RPL13: variants seen among roughly 807,000 people sequenced by gnomAD.
The protein encoded by RPL13 is large ribosomal subunit protein eL13.
A neutral mutation model predicts 21.4 loss-of-function variants in RPL13; 1 was observed. That is an observed-to-expected ratio of 0.05 (90% CI 0.02 to 0.22). The LOEUF (loss-of-function observed/expected upper bound fraction) is 0.22. Among genes scored for constraint, RPL13 ranks in the 10% least tolerant of loss-of-function variants. The pLI, the probability that RPL13 is intolerant of heterozygous loss-of-function variation, is 1.00. For missense variants in RPL13, 289 were observed against 303.0 expected (o/e 0.95, Z 0.34); for synonymous variants, 143 against 120.5 (o/e 1.19, Z -1.23).
chr16:89,562,038 G>A, intron 4 of RPL13: 1 of 589,208 alleles, frequency 1.7e-6, no homozygotes, highest in Non-Finnish European at 3.0e-6. Flanking sequence ...GGATAAGGTT[G>A]ATAAAGAGTC....
At position 89,563,612 on chromosome 16, in the gene RPL13, T is replaced by A. The variant is rs2058762079; in HGVS notation, c.*570T>A. The A allele has an allele frequency of 6.6e-6, 1 of 150,446 alleles. No homozygotes were observed. Among genetic ancestry groups the A allele is most frequent in the Non-Finnish European group, 1.5e-5 (1 of 67,800 alleles). The allele number at this position is 150,446 out of a possible 1,614,324, so 9.3% of individuals were successfully genotyped here. A position where few individuals can be genotyped will look rare whatever the true frequency, so the allele number is the denominator to read the frequency against. On this transcript the variant is annotated 3_prime_UTR_variant, in exon 6 of 6. Transcript: ENST00000311528. Reference sequence around the variant, plus strand: ...GAGACAGGGTCTTCGGCACCCAGGCTGGAGTACAGTGCCACAATCATGGCT... The same window carrying A: ...GAGACAGGGTCTTCGGCACCCAGGCAGGAGTACAGTGCCACAATCATGGCT...
chr16:89,562,451 TA>T, intron 5 of RPL13, 60 bp downstream of exon 5: 1 of 1,528,554 alleles, frequency 6.5e-7, no homozygotes, highest in African/African-American at 1.4e-5. Context: ...AACACGTGGG[TA>T]TCTGAGATGC....
At position 89,561,308 on chromosome 16, in the gene RPL13, C is replaced by G; in HGVS notation, c.186C>G (p.Pro62=). The G allele has an allele frequency of 6.3e-7, 1 of 1,584,888 alleles. No homozygotes were observed. The highest frequency in any genetic ancestry group is 1.1e-5 in the South Asian group (1 of 89,038). The part of the protein sequence containing the change: ...SGPIRPIVRC[P]TVRYHTKVRA... ...CCATCCGGCCCATCGTGCGCTGCCC[C>G]ACGGTTCGGTACCACACGAAGGTGC... The change falls in exon 3 of 6, where the codon CCC becomes CCG. Residue 62 remains proline (P), a synonymous_variant. Transcript: ENST00000311528.
rs2058758706 is a variant in RPL13, at chr16:89,563,118, G to C, written c.*76G>C. On this transcript the variant is annotated 3_prime_UTR_variant, in exon 6 of 6. Transcript: ENST00000311528. ...TGGTGTGTTTCGTGGGAACAACTGGGCCTGGGATGGGGCTTCACTGCTGTG... is the reference window on the plus strand; with the variant it reads ...TGGTGTGTTTCGTGGGAACAACTGGCCCTGGGATGGGGCTTCACTGCTGTG... The C allele has an allele frequency of 7.5e-7, 1 of 1,339,048 alleles. No individual in the cohort carries two copies. The allele number at this position is 1,339,048 out of a possible 1,614,324, so 82.9% of individuals were successfully genotyped here.
chr16:89,563,769 G>A lies in RPL13; in HGVS notation c.*727G>A, dbSNP rs2058763022. Reference sequence around the variant, plus strand: ...AGCAAAGCAGTTTCTAGTTAATGTAGCATCTTGGACTTTGGGGCGTCATTC... The same window carrying A: ...AGCAAAGCAGTTTCTAGTTAATGTAACATCTTGGACTTTGGGGCGTCATTC... On this transcript the variant is annotated 3_prime_UTR_variant, in exon 6 of 6. Coordinates refer to ENST00000311528, the MANE Select transcript of RPL13 (RefSeq NM_000977.4). 1 of 152,166 alleles carries A rather than the reference G, an allele frequency of 6.6e-6. No homozygotes were observed. The highest frequency in any genetic ancestry group is 2.1e-4 in the South Asian group (1 of 4,830). 9.4% of individuals were successfully genotyped at this position (152,166 alleles called of 1,614,324 possible). A position where few individuals can be genotyped will look rare whatever the true frequency, so the allele number is the denominator to read the frequency against.
Position 89,564,379 on chromosome 16 carries a change from G to A in RPL13, c.*1337G>A, listed in dbSNP as rs944202283. ...TGTCTGAGGTGTATATGTTAACTTC[G>A]TGATCAGTTTGTATGTTTGGGACTC... On this transcript the variant is annotated 3_prime_UTR_variant, in exon 6 of 6. Transcript: ENST00000311528. The A allele has an allele frequency of 5.9e-5, 9 of 152,198 alleles. No homozygotes were observed. The highest frequency in any genetic ancestry group is 5.9e-4 in the Admixed American group (9 of 15,280). 9.4% of individuals were successfully genotyped at this position (152,198 alleles called of 1,614,324 possible). A position where few individuals can be genotyped will look rare whatever the true frequency, so the allele number is the denominator to read the frequency against.
chr16:89,564,068 C>G lies in RPL13; in HGVS notation c.*1026C>G, dbSNP rs1486717625. The stretch of plus-strand genomic sequence containing the variant: ...GTGCAGTGCTCAGACACAGCCTGCC[C>G]TAGTCCTACCAGCTCACAGCAGCAC... On this transcript the variant is annotated 3_prime_UTR_variant, in exon 6 of 6. Transcript: ENST00000311528. 2 of 152,284 alleles carry G rather than the reference C, an allele frequency of 1.3e-5. No homozygotes were observed. Among genetic ancestry groups the G allele is most frequent in the African/African-American group, 2.4e-5 (1 of 41,462 alleles). 9.4% of individuals were successfully genotyped at this position (152,284 alleles called of 1,614,324 possible). A position where few individuals can be genotyped will look rare whatever the true frequency, so the allele number is the denominator to read the frequency against.
At chr16:89,561,545 G>T (rs775398146) in intron 3 of RPL13, 33 bp from the exon 4 acceptor site, 3 of 1,613,278 alleles carry the variant, frequency 1.9e-6, no homozygotes, top group Non-Finnish European at 2.5e-6. Context: ...GAAAGCCCGG[G>T]CCTGTCTCCA....
rs2058748616 is a variant in RPL13 at position 89,562,006 on chromosome 16, A to G, written c.420+255A>G. 5 of 590,182 alleles carry G rather than the reference A, an allele frequency of 8.5e-6. No individual in the cohort carries two copies. In the Admixed American group the frequency reaches 1.3e-4, roughly 16 times the overall value. 36.6% of individuals were successfully genotyped at this position (590,182 alleles called of 1,614,324 possible). The stretch of plus-strand genomic sequence containing the variant: ...TCCCTAAAATGCTTCGTATTCCAAA[A>G]TATTTCTAGAAAGACCTTGTAGGAT... On this transcript the variant is annotated intron_variant, in intron 4 of 5. Transcript: ENST00000311528.
intron 3 of RPL13, 28 bp from the exon 4 acceptor site, chr16:89,561,550 T>C (rs1264992191): frequency 1.2e-6 from 2 of 1,613,212 alleles, no homozygotes; most frequent in Non-Finnish European, 1.7e-6. Context: ...CCCGGGCCTG[T>C]CTCCATCTCT....
chr16:89,566,457 T>A (rs955161564), downstream of RPL13: 1 of 152,246 alleles, frequency 6.6e-6, no homozygotes, highest in African/African-American at 2.4e-5. Flanking sequence ...GGCTAGACAT[T>A]AGGAATTTCA....
chr16:89,561,334 G>T lies in RPL13; in HGVS notation c.212G>T (p.Arg71Leu). The stretch of plus-strand genomic sequence containing the variant: ...ACGGTTCGGTACCACACGAAGGTGC[G>T]CGCCGGCCGCGGCTTCAGCCTGGAG... ...CPTVRYHTKVRAGRGFSLEEL... is the reference protein window; with the variant it reads ...CPTVRYHTKVLAGRGFSLEEL... Residue 71 changes from arginine to leucine, a missense_variant, in exon 3 of 6, where the codon CGC (arginine) becomes CTC (leucine). Arg to Leu is a moderately radical substitution (Grantham distance 102). Transcript: ENST00000311528. The T allele has an allele frequency of 6.3e-7, 1 of 1,599,046 alleles. No individual in the cohort carries two copies. The highest frequency in any genetic ancestry group is 2.2e-5 in the East Asian group (1 of 44,568).
In RPL13 at chr16:89,562,932, T is replaced by C; in HGVS notation, c.526T>C (p.Phe176Leu). The C allele has an allele frequency of 6.3e-7, 1 of 1,595,458 alleles. No individual in the cohort carries two copies. The highest frequency in any genetic ancestry group is 8.5e-7 in the Non-Finnish European group (1 of 1,172,696). ...ARVITEEEKN[F>L]KAFASLRMAR... ...AGTCATCACTGAGGAAGAGAAGAAT[T>C]TCAAAGCCTTCGCTAGTCTCCGTAT... Residue 176 changes from phenylalanine (F) to leucine (L), a missense_variant, in exon 6 of 6, where the codon TTC becomes CTC. Transcript: ENST00000311528.
In RPL13 at chr16:89,563,070, G is replaced by A. The variant is rs745779446; in HGVS notation, c.*28G>A. ...CCCTCCTGGGGACTTGGAATCAGTC[G>A]GCAGTCATGCTGGGTCTCCACGTGG... On this transcript the variant is annotated 3_prime_UTR_variant, in exon 6 of 6. Transcript: ENST00000311528. 2.0e-5 allele frequency: 29 copies of A among 1,476,824 alleles called. No homozygotes were observed. Among genetic ancestry groups the A allele is most frequent in the South Asian group, 6.9e-5 (5 of 72,784 alleles). The allele number at this position is 1,476,824 out of a possible 1,614,324, so 91.5% of individuals were successfully genotyped here. A position where few individuals can be genotyped will look rare whatever the true frequency, so the allele number is the denominator to read the frequency against.
At chr16:89,561,090 T>G (rs961743809) in intron 2 of RPL13, 27 bp downstream of exon 2, 1 of 1,581,648 alleles carries the variant, frequency 6.3e-7, no homozygotes, top group African/African-American at 1.4e-5. Flanking sequence ...GGGCTGCCCC[T>G]GGGGCTCGTG....
rs771837591 is a variant in RPL13 at position 89,561,603 on chromosome 16, C to G, written c.272C>G (p.Ala91Gly). Residue 91 changes from alanine (A) to glycine (G), a missense_variant, in exon 4 of 6, where the codon GCC (alanine) becomes GGC (glycine). Transcript: ENST00000311528. The part of the protein sequence containing the change: ...LRVAGIHKKV[A>G]RTIGISVDPR... ...GTGGCCGGCATTCACAAGAAGGTGG[C>G]CCGGACCATCGGCATTTCTGTGGAT... is the stretch of plus-strand genomic sequence containing the variant. The G allele has an allele frequency of 6.2e-7, 1 of 1,613,644 alleles. No individual in the cohort carries two copies. The highest frequency in any genetic ancestry group is 2.2e-5 in the East Asian group (1 of 44,886).
At chr16:89,560,849 G>A (rs1240559470) in intron 1 of RPL13, 91 bp from the exon 2 acceptor site, 1 of 838,822 alleles carries the variant, frequency 1.2e-6, no homozygotes, top group African/African-American at 1.8e-5. Flanking sequence ...GGCGCGGCCG[G>A]ACGGCCCAGT....
chr16:89,560,788 G>A (rs2058736849), intron 1 of RPL13, 76 bp downstream of exon 1: 1 of 554,408 alleles, frequency 1.8e-6, no homozygotes. Context: ...CGCGGGAGTG[G>A]ATGGGCCCCT....
Position 89,563,202 on chromosome 16 carries a change from T to C in RPL13, c.*160T>C, listed in dbSNP as rs2058759209. 3.2e-6 allele frequency: 2 copies of C among 629,340 alleles called. No homozygotes were observed. Among genetic ancestry groups the C allele is most frequent in the South Asian group, 4.7e-5 (1 of 21,368 alleles). 39.0% of individuals were successfully genotyped at this position (629,340 alleles called of 1,614,324 possible). A position where few individuals can be genotyped will look rare whatever the true frequency, so the allele number is the denominator to read the frequency against. Reference sequence around the variant, plus strand: ...GAAAGACAGTCCAAGCCCTGGATAATGCTTTACTTTCTGTGTTGAAGCACT... The same window carrying C: ...GAAAGACAGTCCAAGCCCTGGATAACGCTTTACTTTCTGTGTTGAAGCACT... On this transcript the variant is annotated 3_prime_UTR_variant, in exon 6 of 6. Coordinates refer to ENST00000311528, the MANE Select transcript of RPL13 (RefSeq NM_000977.4).
Sources: gnomAD v4.1 joint callset for allele counts on GRCh38, gnomAD v4.1.1 for gene constraint, MANE v1.5 for transcripts, NCBI Gene and HGNC (gene_info 2026-07-23, HGNC 2026-07-21) for gene names.